LIPC: variants seen among roughly 807,000 people sequenced by gnomAD.
LIPC encodes the protein hepatic triacylglycerol lipase.
A neutral mutation model predicts 50.7 loss-of-function variants in LIPC; 44 were observed. That is an observed-to-expected ratio of 0.87 (90% CI 0.68 to 1.11). LIPC has a LOEUF of 1.11. LIPC is among the 50% of genes most tolerant of loss of function. The probability of loss-of-function intolerance (pLI) is 0.00; values close to 1 mark genes in which losing one functional copy is unlikely to be tolerated. For synonymous variants in LIPC, 271 were observed against 256.4 expected (o/e 1.06, Z -0.54); for missense variants, 697 against 648.2 (o/e 1.08, Z -0.82).
At chr15:58,494,854 C>T (rs779437232) in intron 1 of LIPC, 1 of 456,254 alleles carries the variant, frequency 2.2e-6, no homozygotes, top group Non-Finnish European at 4.4e-6. Context: ...GTCCTCCCTT[C>T]ATCTGATTTC....
intron 1 of LIPC, among the ~76,000 whole-genome samples, chr15:58,460,736 G>C (rs1251769802): frequency 1.3e-5 from 2 of 152,200 alleles, no homozygotes; most frequent in African/African-American, 4.8e-5. Context: ...GGAGAGTTTA[G>C]AGAAGCTCTG....
intron 5 of LIPC, 75 bp from the exon 6 acceptor site, chr15:58,548,255 G>T: frequency 1.2e-6 from 2 of 1,608,920 alleles, no homozygotes; most frequent in South Asian, 2.2e-5. Context: ...TGTGGGATGA[G>T]AACCAAGGTG....
Position 58,469,102 on chromosome 15 carries a change from T to TGTGTG in LIPC, c.88+36982_88+36983insGTGTG, listed in dbSNP as rs1894682861. 2.8e-5 allele frequency among the ~76,000 whole-genome samples: 4 copies of TGTGTG among 140,720 alleles called. No homozygotes were observed. In the East Asian group the frequency reaches 6.4e-4, roughly 23 times the overall value. The allele number at this position is 140,720 out of a possible 152,430, so 92.3% of individuals were successfully genotyped here. A position where few individuals can be genotyped will look rare whatever the true frequency, so the allele number is the denominator to read the frequency against. ...AACTTAAACGGCTTCAGGGAACATT[T>TGTGTG]TGTGTGTGTGTGTGTGTGTGTGTGT... On this transcript the variant is annotated intron_variant, in intron 1 of 8. Transcript: ENST00000299022.
chr15:58,536,046 T>G (rs536467790), intron 1 of LIPC, among the ~76,000 whole-genome samples: 5 of 152,156 alleles, frequency 3.3e-5, no homozygotes, highest in Admixed American at 6.5e-5. Context: ...CGCTGACAGG[T>G]GGAGGAAGCA....
At chr15:58,534,203 A>G (rs1184273542) in intron 1 of LIPC, among the ~76,000 whole-genome samples, 1 of 152,232 alleles carries the variant, frequency 6.6e-6, no homozygotes, top group East Asian at 1.9e-4. Context: ...GTGCCCAAAG[A>G]GTACCCAGGC....
intron 6 of LIPC, among the ~76,000 whole-genome samples, chr15:58,557,667 G>A (rs1297998481): frequency 6.6e-6 from 1 of 152,048 alleles, no homozygotes; most frequent in Non-Finnish European, 1.5e-5. Flanking sequence ...TTACAGGCGT[G>A]AGCCACCGCG....
intron 8 of LIPC, among the ~76,000 whole-genome samples, chr15:58,567,300 T>TAC (rs1456284787): frequency 7.0e-5 from 2 of 28,518 alleles, no homozygotes; most frequent in South Asian, 8.0e-4. Context: ...TATACATATA[T>TAC]ATATACATAT....
intron 1 of LIPC, among the ~76,000 whole-genome samples, chr15:58,476,960 C>T (rs530682413): frequency 3.3e-5 from 5 of 152,348 alleles, no homozygotes; most frequent in African/African-American, 1.2e-4. Flanking sequence ...GTCATTCTAA[C>T]TCAAATCAAA....
At position 58,480,592 on chromosome 15, in the gene LIPC, C is replaced by T. The variant is rs139547577; in HGVS notation, c.88+48472C>T. 1.3e-3 allele frequency among the ~76,000 whole-genome samples: 191 copies of T among 152,274 alleles called. 7 individuals are homozygous for T. In the East Asian group the frequency reaches 0.032, roughly 26 times the overall value. ...GATTACAGGTGTGAGCCACTGTGCCCGGCCTATAAGTTTCATTTAAAACAA... is the reference window on the plus strand; with the variant it reads ...GATTACAGGTGTGAGCCACTGTGCCTGGCCTATAAGTTTCATTTAAAACAA... On this transcript the variant is annotated intron_variant, in intron 1 of 8. Transcript: ENST00000299022.
chr15:58,453,932 G>A (rs538434662), intron 1 of LIPC, among the ~76,000 whole-genome samples: 1 of 152,236 alleles, frequency 6.6e-6, no homozygotes, highest in South Asian at 2.1e-4. Flanking sequence ...CTTAGCACCT[G>A]TTGTTTCAGC....
chr15:58,464,286 G>A (rs779096677), intron 1 of LIPC, among the ~76,000 whole-genome samples: 7 of 152,108 alleles, frequency 4.6e-5, no homozygotes, highest in East Asian at 1.9e-4. Flanking sequence ...ACGCAGGTGC[G>A]ATGGACACCT....
intron 1 of LIPC, among the ~76,000 whole-genome samples, chr15:58,520,603 G>T (rs1217171642): frequency 6.6e-6 from 1 of 152,166 alleles, no homozygotes; most frequent in Non-Finnish European, 1.5e-5. Context: ...TGGACTATCA[G>T]TCCCAGAAAC....
At chr15:58,556,210 T>C (rs1893944162) in intron 6 of LIPC, among the ~76,000 whole-genome samples, 2 of 152,356 alleles carry the variant, frequency 1.3e-5, no homozygotes, top group Non-Finnish European at 2.9e-5. Flanking sequence ...AATGCAGTTA[T>C]ATATGCATGT....
intron 1 of LIPC, among the ~76,000 whole-genome samples, chr15:58,491,298 A>C (rs1891579821): frequency 6.6e-6 from 1 of 152,158 alleles, no homozygotes; most frequent in South Asian, 2.1e-4. Context: ...GAGCATGGGA[A>C]TTTCAAGCAG....
intron 1 of LIPC, among the ~76,000 whole-genome samples, chr15:58,474,206 C>T (rs1890904052): frequency 6.6e-6 from 1 of 152,166 alleles, no homozygotes; most frequent in African/African-American, 2.4e-5. Flanking sequence ...GAAGTGCATC[C>T]TCTCTGCTGG....
At chr15:58,495,367 T>C (rs1284547328) in intron 1 of LIPC, among the ~76,000 whole-genome samples, 1 of 152,262 alleles carries the variant, frequency 6.6e-6, no homozygotes, top group Non-Finnish European at 1.5e-5. Flanking sequence ...GCAACCTTCG[T>C]AGATACTCTT....
chr15:58,553,240 T>C (rs1484301462), intron 6 of LIPC, among the ~76,000 whole-genome samples: 2 of 152,228 alleles, frequency 1.3e-5, no homozygotes, highest in East Asian at 1.9e-4. Flanking sequence ...ACAACAGTCC[T>C]GGCCGCACAC....
intron 1 of LIPC, among the ~76,000 whole-genome samples, chr15:58,475,990 A>C (rs1410520304): frequency 2.0e-5 from 3 of 152,254 alleles, no homozygotes; most frequent in African/African-American, 7.2e-5. Context: ...GTTAGCAAGA[A>C]AAGTGACAGA....
At chr15:58,459,829 A>T (rs1372961054) in intron 1 of LIPC, among the ~76,000 whole-genome samples, 1 of 152,246 alleles carries the variant, frequency 6.6e-6, no homozygotes, top group Non-Finnish European at 1.5e-5. Flanking sequence ...TGAGGGATTC[A>T]GCCCTGGGCA....
Sources: allele counts gnomAD v4.1 joint callset (sites outside exome capture counted in the v4.1 genomes callset), GRCh38; gene constraint gnomAD v4.1.1; transcripts MANE v1.5; gene names NCBI Gene and HGNC (gene_info 2026-07-23, HGNC 2026-07-21).